RNF20: variants seen among roughly 807,000 people sequenced by gnomAD.
RNF20 encodes ring finger protein 20, also known as E3 ubiquitin-protein ligase BRE1A.
Under a neutral mutation model 126.2 loss-of-function variants are expected in RNF20, and 84 were observed. That is an observed-to-expected ratio of 0.67 (90% CI 0.56 to 0.80). RNF20 has a LOEUF of 0.80. Ranked by LOEUF, RNF20 falls within the 30% of genes least tolerant of loss-of-function variation. RNF20 has a pLI of 0.00. For missense variants in RNF20, 869 were observed against 1,188.2 expected (o/e 0.73, Z 3.95); for synonymous variants, 400 against 414.3 (o/e 0.97, Z 0.42).
rs1827561105 is a variant in RNF20, at chr9:101,557,869, T to TA, written c.2382+276dup. On this transcript the variant is annotated intron_variant, in intron 16 of 19. Transcript: ENST00000389120. ...ACGTGTTTTGTTATCCTTTTTGCGT[T>TA]AAAGTATATGTTTACTTGTGTTCCT... Among the ~76,000 whole-genome samples, 4 of 152,328 alleles carry TA rather than the reference T, an allele frequency of 2.6e-5. No homozygotes were observed. The South Asian group carries it at 8.3e-4, about 32-fold the overall frequency.
At chr9:101,556,638 A>G (rs1827536713) in intron 15 of RNF20, among the ~76,000 whole-genome samples, 2 of 152,206 alleles carry the variant, frequency 1.3e-5, no homozygotes, top group Non-Finnish European at 2.9e-5. Context: ...CTTTCTATGA[A>G]TAAAAGGCTA....
rs139560201 is a variant in RNF20 at position 101,540,895 on chromosome 9, G to A, written c.548G>A (p.Arg183Gln). 87 of 1,613,810 alleles carry A rather than the reference G, an allele frequency of 5.4e-5. No homozygotes were observed. Among genetic ancestry groups the A allele is most frequent in the African/African-American group, 1.2e-4 (9 of 74,824 alleles). ...CAGGAACGTGTGGAGTCTTCCCGCC[G>A]AGCCGTGTCCCAGATTGTGACTGTT... is the stretch of plus-strand genomic sequence containing the variant. ...QLQERVESSR[R>Q]AVSQIVTVYD... The change falls in exon 5 of 20, where the codon CGA becomes CAA. Residue 183 changes from arginine to glutamine, a missense_variant. Physicochemically the swap from Arg to Gln is conservative, Grantham distance 43. Transcript: ENST00000389120.
chr9:101,550,539 T>C, intron 9 of RNF20, 67 bp from the exon 10 acceptor site: 1 of 1,400,014 alleles, frequency 7.1e-7, no homozygotes, highest in Non-Finnish European at 9.8e-7. Context: ...TTCAAAATTT[T>C]ACTTCCTGTC....
intron 4 of RNF20, 35 bp from the exon 5 acceptor site, chr9:101,540,758 T>C (rs777528551): frequency 5.0e-6 from 8 of 1,595,820 alleles, no homozygotes; most frequent in African/African-American, 1.4e-5. Context: ...GTTTATAATT[T>C]TGGGGGGCTT....
At chr9:101,541,102 A>C in intron 5 of RNF20, 127 bp downstream of exon 5, 1 of 663,164 alleles carries the variant, frequency 1.5e-6, no homozygotes, top group Non-Finnish European at 2.2e-6. Context: ...TTTAAGAGAT[A>C]AGGTTTCACT....
intron 1 of RNF20, chr9:101,534,359 C>G (rs962654847): frequency 6.6e-6 from 1 of 152,132 alleles, no homozygotes; most frequent in African/African-American, 2.4e-5. Flanking sequence ...GAAACTGAAG[C>G]TCTTGGCGAA....
intron 15 of RNF20, 30 bp downstream of exon 15, chr9:101,554,873 T>C (rs749713997): frequency 5.3e-5 from 73 of 1,378,656 alleles, no homozygotes; most frequent in Non-Finnish European, 6.8e-5. Context: ...TTAATTGACT[T>C]TTTGAGTAAA....
intron 2 of RNF20, among the ~76,000 whole-genome samples, chr9:101,536,673 G>A (rs180717214): frequency 6.6e-6 from 1 of 152,192 alleles, no homozygotes; most frequent in Admixed American, 6.5e-5. Context: ...CTAGACTTTA[G>A]TTTGTAGGGT....
At chr9:101,552,319 T>C in intron 12 of RNF20, 57 bp downstream of exon 12, 1 of 1,612,730 alleles carries the variant, frequency 6.2e-7, no homozygotes, top group South Asian at 1.1e-5. Flanking sequence ...AAGCTGCTTT[T>C]GAATGAGGTC....
At chr9:101,562,199 T>A in intron 19 of RNF20, 47 bp from the exon 20 acceptor site, 12 of 1,581,682 alleles carry the variant, frequency 7.6e-6, no homozygotes, top group Non-Finnish European at 1.0e-5. Flanking sequence ...GCCATTTGGA[T>A]CATAAACTTT....
At chr9:101,553,160 A>G (rs1366891866) in intron 13 of RNF20, among the ~76,000 whole-genome samples, 5 of 152,182 alleles carry the variant, frequency 3.3e-5, no homozygotes, top group African/African-American at 1.2e-4. Flanking sequence ...TATCTGATCT[A>G]TTTGCCTGAG....
At chr9:101,559,339 C>T (rs991691727) in intron 16 of RNF20, among the ~76,000 whole-genome samples, 3 of 152,098 alleles carry the variant, frequency 2.0e-5, no homozygotes, top group African/African-American at 7.2e-5. Flanking sequence ...GTGATGCCTC[C>T]AGATTTGTTC....
chr9:101,552,498 C>T lies in RNF20; in HGVS notation c.1646C>T (p.Ala549Val). ...GAGGACTTATCCTCCCAGTCCTCAG[C>T]TTCAAAGGCATCTCAGGAGGATGCC... ...DSEDLSSQSSASKASQEDANE... is the reference protein window; with the variant it reads ...DSEDLSSQSSVSKASQEDANE... Residue 549 changes from alanine to valine, a missense_variant, in exon 13 of 20, where the codon GCT becomes GTT. Around this residue, in one of 8 missense-constraint regions of RNF20, gnomAD observed 231 missense variants for 263.6 expected, o/e 0.88. Transcript: ENST00000389120. 1 of 1,614,072 alleles carries T rather than the reference C, an allele frequency of 6.2e-7. No homozygotes were observed. Among genetic ancestry groups the T allele is most frequent in the Non-Finnish European group, 8.5e-7 (1 of 1,180,002 alleles).
At position 101,544,638 on chromosome 9, in the gene RNF20, C is replaced by T; in HGVS notation, c.629-129C>T. ...GGAGAATCGGCTCGAACCCTGGAGG[C>T]AGAGGTTGCAGTGAGCCGAGATCGC... On this transcript the variant is annotated intron_variant, in intron 5 of 19. Transcript: ENST00000389120. 3 of 595,058 alleles carry T rather than the reference C, an allele frequency of 5.0e-6. No individual in the cohort carries two copies. In the East Asian group the frequency reaches 9.0e-5, roughly 18 times the overall value. 36.9% of individuals were successfully genotyped at this position (595,058 alleles called of 1,614,324 possible).
intron 9 of RNF20, among the ~76,000 whole-genome samples, chr9:101,550,061 C>T (rs1214184617): frequency 6.6e-6 from 1 of 152,214 alleles, no homozygotes; most frequent in African/African-American, 2.4e-5. Context: ...TCTCACTCCT[C>T]TTTCGATCAT....
chr9:101,555,509 A>G (rs1395988589), intron 15 of RNF20, among the ~76,000 whole-genome samples: 4 of 152,276 alleles, frequency 2.6e-5, no homozygotes, highest in South Asian at 4.1e-4. Context: ...TGAAAAAACC[A>G]TATATGTATT....
chr9:101,550,362 A>G (rs1217629708), intron 9 of RNF20, among the ~76,000 whole-genome samples: 1 of 152,236 alleles, frequency 6.6e-6, no homozygotes, highest in Admixed American at 6.5e-5. Context: ...CACAGAATAT[A>G]AAACACATAT....
At chr9:101,555,818 G>C (rs1827523124) in intron 15 of RNF20, among the ~76,000 whole-genome samples, 1 of 151,776 alleles carries the variant, frequency 6.6e-6, no homozygotes, top group Non-Finnish European at 1.5e-5. Flanking sequence ...AATTAGCTGG[G>C]CTTGGTGGCG....
chr9:101,562,747 C>T lies in RNF20; in HGVS notation c.*325C>T, dbSNP rs1402745631. The T allele has an allele frequency of 1.6e-5, 3 of 192,810 alleles. No individual in the cohort carries two copies. Among genetic ancestry groups the T allele is most frequent in the Non-Finnish European group, 3.2e-5 (3 of 94,940 alleles). 11.9% of individuals were successfully genotyped at this position (192,810 alleles called of 1,614,324 possible). ...ACTGTATAAACTTGGATTGTCCATT[C>T]CTCCTGAAGAAATCAAGTTGGTATT... On this transcript the variant is annotated 3_prime_UTR_variant, in exon 20 of 20. Coordinates refer to ENST00000389120, the MANE Select transcript of RNF20 (RefSeq NM_019592.7).
Sources: allele counts gnomAD v4.1 joint callset (sites outside exome capture counted in the v4.1 genomes callset), GRCh38; gene constraint gnomAD v4.1.1; regional missense constraint gnomAD v4.1.1; transcripts MANE v1.5; gene names NCBI Gene and HGNC (gene_info 2026-07-23, HGNC 2026-07-21).